The following LRP1B variants were observed in gnomAD, a reference collection of about 807,000 sequenced individuals.
The protein encoded by LRP1B is low-density lipoprotein receptor-related protein 1B.
In LRP1B, 217 loss-of-function variants were observed where a neutral mutation model predicts 556.6. The observed-to-expected ratio is 0.39, with a 90% CI of 0.35 to 0.44. LRP1B has a LOEUF of 0.44. Ranked by LOEUF, LRP1B falls within the 20% of genes least tolerant of loss-of-function variation. LRP1B has a pLI of 1.00. For synonymous variants in LRP1B, 2,047 were observed against 1,865.8 expected (o/e 1.10, Z -2.50); for missense variants, 5,053 against 5,620.8 (o/e 0.90, Z 3.23).
In LRP1B at chr2:140,658,348, A is replaced by G. The variant is rs969697939; in HGVS notation, c.6799+41902T>C. Among the ~76,000 whole-genome samples, 4 of 152,014 alleles carry G rather than the reference A, an allele frequency of 2.6e-5. No individual in the cohort carries two copies. In the East Asian group the frequency reaches 7.7e-4, roughly 29 times the overall value. On this transcript the variant is annotated intron_variant, in intron 41 of 90. Coordinates refer to ENST00000389484, the MANE Select transcript of LRP1B (RefSeq NM_018557.3). ...GTTTTTCTGTTAATTTGTTTTAACA[A>G]TTTCTAACAAAAGTTGGTATATTAG... is the stretch of plus-strand genomic sequence containing the variant.
chr2:141,672,127 T>C (rs929565819), intron 2 of LRP1B, among the ~76,000 whole-genome samples: 2 of 152,206 alleles, frequency 1.3e-5, no homozygotes, highest in Non-Finnish European at 2.9e-5. Flanking sequence ...AGGAGGCTTT[T>C]AGAAAATACT....
chr2:141,055,423 C>T (rs567089999), intron 9 of LRP1B, among the ~76,000 whole-genome samples, 164 bp from the exon 10 acceptor site: 10 of 151,678 alleles, frequency 6.6e-5, no homozygotes, highest in South Asian at 2.1e-4. Flanking sequence ...GAGTGTAAAC[C>T]CCATAGAAGA....
chr2:141,630,754 G>A (rs986544197), intron 2 of LRP1B, among the ~76,000 whole-genome samples: 1 of 152,320 alleles, frequency 6.6e-6, no homozygotes, highest in South Asian at 2.1e-4. Context: ...TGCACAGGGG[G>A]TGTTGAAATC....
intron 41 of LRP1B, among the ~76,000 whole-genome samples, chr2:140,678,568 A>G (rs1685751512): frequency 6.6e-6 from 1 of 152,186 alleles, no homozygotes; most frequent in Admixed American, 6.5e-5. Flanking sequence ...CTTAATACCA[A>G]TTCAACCTAC....
intron 11 of LRP1B, among the ~76,000 whole-genome samples, chr2:141,036,217 G>A (rs535077638): frequency 2.6e-5 from 4 of 151,816 alleles, no homozygotes; most frequent in African/African-American, 4.8e-5. Flanking sequence ...AAGAAGAGGC[G>A]ACTACCATAA....
intron 1 of LRP1B, among the ~76,000 whole-genome samples, chr2:141,889,940 C>A (rs1699232594): frequency 6.6e-6 from 1 of 151,936 alleles, no homozygotes; most frequent in African/African-American, 2.4e-5. Flanking sequence ...GACACTGTAC[C>A]ACACTGTGAC....
intron 3 of LRP1B, among the ~76,000 whole-genome samples, chr2:141,402,802 A>G (rs1176655899): frequency 3.9e-5 from 6 of 152,142 alleles, no homozygotes; most frequent in African/African-American, 1.4e-4. Context: ...ATATTTCAAA[A>G]TTATCTATTC....
At chr2:141,593,047 T>TG (rs1180863979) in intron 2 of LRP1B, among the ~76,000 whole-genome samples, 9 of 152,126 alleles carry the variant, frequency 5.9e-5, no homozygotes, top group African/African-American at 2.2e-4. Context: ...TGCCAAAATT[T>TG]GGGAAATAAG....
At chr2:141,012,630 T>C (rs969521905) in intron 14 of LRP1B, among the ~76,000 whole-genome samples, 10 of 151,994 alleles carry the variant, frequency 6.6e-5, no homozygotes, top group Admixed American at 6.6e-4. Context: ...TTCCATTATT[T>C]TATAAAATTA....
chr2:141,804,549 T>C (rs1259392062), intron 2 of LRP1B, among the ~76,000 whole-genome samples: 1 of 152,040 alleles, frequency 6.6e-6, no homozygotes, highest in Non-Finnish European at 1.5e-5. Flanking sequence ...TTAGCATATG[T>C]AGATTAAACC....
chr2:141,709,841 T>A (rs1427633224), intron 2 of LRP1B, among the ~76,000 whole-genome samples: 2 of 152,140 alleles, frequency 1.3e-5, no homozygotes, highest in Admixed American at 1.3e-4. Flanking sequence ...GGCTGGCTTA[T>A]AAGTAACAGA....
intron 77 of LRP1B, among the ~76,000 whole-genome samples, chr2:140,350,171 T>C (rs1270263524): frequency 6.6e-6 from 1 of 152,062 alleles, no homozygotes; most frequent in Non-Finnish European, 1.5e-5. Context: ...TAACTTGACA[T>C]GCCCTAAAAC....
chr2:142,026,272 A>T (rs1199264334), intron 1 of LRP1B, among the ~76,000 whole-genome samples: 1 of 152,078 alleles, frequency 6.6e-6, no homozygotes, highest in Non-Finnish European at 1.5e-5. Context: ...TATGAGTCTT[A>T]TGCCTGTGCT....
At chr2:140,432,964 T>C (rs114082565) in intron 66 of LRP1B, among the ~76,000 whole-genome samples, 1 of 152,218 alleles carries the variant, frequency 6.6e-6, no homozygotes, top group Non-Finnish European at 1.5e-5. Flanking sequence ...AATCTAATAA[T>C]GTTCAGAATG....
chr2:141,107,135 A>G (rs2104954432), intron 7 of LRP1B, among the ~76,000 whole-genome samples: 1 of 152,272 alleles, frequency 6.6e-6, no homozygotes, highest in South Asian at 2.1e-4. Flanking sequence ...TGATTTATAA[A>G]AAAAATAAAG....
At chr2:140,911,909 C>CAAAT (rs1694430655) in intron 21 of LRP1B, among the ~76,000 whole-genome samples, 1 of 151,618 alleles carries the variant, frequency 6.6e-6, no homozygotes, top group Non-Finnish European at 1.5e-5. Flanking sequence ...GTCAGAATAG[C>CAAAT]AGTAAGGCTA....
At chr2:140,948,871 C>T (rs1695622235) in intron 20 of LRP1B, among the ~76,000 whole-genome samples, 1 of 152,096 alleles carries the variant, frequency 6.6e-6, no homozygotes, top group Non-Finnish European at 1.5e-5. Context: ...TCAGGGAATC[C>T]GCAGAACAGC....
In LRP1B at chr2:140,552,815, T is replaced by C. The variant is rs916012214; in HGVS notation, c.7195-10844A>G. ...CACAAAACACATTTCTTGACACAGCTACTTATTCTTAAGTGTGTCGTCATA... is the reference window on the plus strand; with the variant it reads ...CACAAAACACATTTCTTGACACAGCCACTTATTCTTAAGTGTGTCGTCATA... On this transcript the variant is annotated intron_variant, in intron 43 of 90. Coordinates refer to ENST00000389484, the MANE Select transcript of LRP1B (RefSeq NM_018557.3). Among the ~76,000 whole-genome samples the C allele has an allele frequency of 2.6e-5, 4 of 152,298 alleles. No individual in the cohort carries two copies. The South Asian group carries it at 6.2e-4, about 24-fold the overall frequency.
At chr2:141,004,652 T>C (rs1326228017) in intron 15 of LRP1B, among the ~76,000 whole-genome samples, 1 of 152,010 alleles carries the variant, frequency 6.6e-6, no homozygotes, top group Admixed American at 6.6e-5. Flanking sequence ...TTAGTTCTGT[T>C]TTTCTGAAGA....
Sources: gnomAD v4.1 joint callset for allele counts (sites outside exome capture counted in the v4.1 genomes callset) on GRCh38, gnomAD v4.1.1 for gene constraint, MANE v1.5 for transcripts, NCBI Gene and HGNC (gene_info 2026-07-23, HGNC 2026-07-21) for gene names.